The following PIK3R3 variants were observed in gnomAD, a reference collection of about 807,000 sequenced individuals.
The protein encoded by PIK3R3 is phosphoinositide-3-kinase regulatory subunit 3.
A neutral mutation model predicts 62.9 loss-of-function variants in PIK3R3; 64 were observed. The ratio of observed to expected loss-of-function variants is 1.02; its 90% CI spans 0.83 to 1.25. The LOEUF (loss-of-function observed/expected upper bound fraction) is 1.25, where lower values mean the gene tolerates loss of function less well. Ranked by LOEUF, PIK3R3 falls within the 50% of genes most tolerant of loss-of-function variation. PIK3R3 has a pLI of 0.00. For missense variants in PIK3R3, 614 were observed against 561.6 expected, an observed-to-expected ratio of 1.09 and a Z score of -0.94; for synonymous variants, 165 against 189.0, an observed-to-expected ratio of 0.87 and a Z score of 1.04.
Position 46,131,835 on chromosome 1 carries a change from T to A in PIK3R3, c.106+12A>T. ...CCCATCACGAGATTCTTTTTTTTTTTCTCCCAAGTACCTGGAGGATCCATT... is the reference window on the plus strand; with the variant it reads ...CCCATCACGAGATTCTTTTTTTTTTACTCCCAAGTACCTGGAGGATCCATT... On this transcript the variant is annotated intron_variant, in intron 1 of 9. Transcript: ENST00000262741. 1 of 1,608,450 alleles carries A rather than the reference T, an allele frequency of 6.2e-7. No homozygotes were observed. The highest frequency in any genetic ancestry group is 8.5e-7 in the Non-Finnish European group (1 of 1,175,422).
chr1:46,055,933 C>A lies in PIK3R3; in HGVS notation c.803G>T (p.Gly268Val). Residue 268 changes from glycine to valine, a missense_variant, in exon 7 of 10, where the codon GGT (glycine) becomes GTT (valine). Transcript: ENST00000262741. ...ACGCATTTTGCTATCATGAATCTCACCCAGACGTGATTTCAATTTATCATA... is the reference window on the plus strand; with the variant it reads ...ACGCATTTTGCTATCATGAATCTCAACCAGACGTGATTTCAATTTATCATA... ...MNYDKLKSRLGEIHDSKMRLE... is the reference protein window; with the variant it reads ...MNYDKLKSRLVEIHDSKMRLE... 13 of 1,600,826 alleles carry A rather than the reference C, an allele frequency of 8.1e-6. No individual in the cohort carries two copies. The highest frequency in any genetic ancestry group is 1.1e-5 in the Non-Finnish European group (13 of 1,174,468).
At chr1:46,062,441 G>A in intron 5 of PIK3R3, among the ~76,000 whole-genome samples, 1 of 152,180 alleles carries the variant, frequency 6.6e-6, no homozygotes, top group Non-Finnish European at 1.5e-5. Flanking sequence ...CAGGCGTGGT[G>A]GCGGGCGCCT....
chr1:46,082,095 A>T (rs1194179096), intron 1 of PIK3R3, among the ~76,000 whole-genome samples: 1 of 152,192 alleles, frequency 6.6e-6, no homozygotes, highest in African/African-American at 2.4e-5. Flanking sequence ...TAACTGCAAA[A>T]GGAAAAACAA....
At chr1:46,045,151 A>G (rs2149371509) in intron 9 of PIK3R3, among the ~76,000 whole-genome samples, 1 of 152,324 alleles carries the variant, frequency 6.6e-6, no homozygotes, top group African/African-American at 2.4e-5. Context: ...CAAAAACCCT[A>G]AAGTAGGTAT....
rs370501368 is a variant in PIK3R3, at chr1:46,045,644, T to TTTTTTTTTTTTTTTTTTTTTTTTTTTTC, written c.1187+273_1187+274insGAAAAAAAAAAAAAAAAAAAAAAAAAAA. Among the ~76,000 whole-genome samples the TTTTTTTTTTTTTTTTTTTTTTTTTTTTC allele has an allele frequency of 6.1e-5, 5 of 82,596 alleles. 1 individual carries two copies. Among genetic ancestry groups the TTTTTTTTTTTTTTTTTTTTTTTTTTTTC allele is most frequent in the African/African-American group, 9.4e-5 (2 of 21,220 alleles). 54.2% of individuals were successfully genotyped at this position (82,596 alleles called of 152,430 possible). ...TTTTTTTTTTTTTTTTTTTTTTTTTTCAATTTAAGATCTCACATTACCTTT... is the reference window on the plus strand; with the variant it reads ...TTTTTTTTTTTTTTTTTTTTTTTTTTTTTTTTTTTTTTTTTTTTTTTTTTTTTCCAATTTAAGATCTCACATTACCTTT... On this transcript the variant is annotated intron_variant, in intron 9 of 9. Transcript: ENST00000262741.
the PIK3R3 span, among the ~76,000 whole-genome samples, chr1:46,138,485 TC>T: frequency 2.6e-5 from 3 of 117,444 alleles, no homozygotes. Context: ...CATATGGAGA[TC>T]CCTGTCTCTA....
At chr1:46,131,190 G>C (rs1032824360) in intron 1 of PIK3R3, among the ~76,000 whole-genome samples, 13 of 152,054 alleles carry the variant, frequency 8.5e-5, no homozygotes, top group African/African-American at 3.1e-4. Context: ...TTAAATTAAA[G>C]AGTAATAAAA....
chr1:46,164,574 A>G, the PIK3R3 span, among the ~76,000 whole-genome samples: 6 of 152,142 alleles, frequency 3.9e-5, no homozygotes, highest in Non-Finnish European at 8.8e-5. Flanking sequence ...GATTGCAGTG[A>G]GCCGAGATTG....
intron 1 of PIK3R3, among the ~76,000 whole-genome samples, chr1:46,092,487 C>G (rs556027673): frequency 6.6e-6 from 1 of 152,282 alleles, no homozygotes; most frequent in African/African-American, 2.4e-5. Context: ...CCTCAGCCTC[C>G]CGAGTAGCTG....
the PIK3R3 span, among the ~76,000 whole-genome samples, chr1:46,166,207 TTTC>T: frequency 4.7e-5 from 7 of 150,316 alleles, no homozygotes; most frequent in Non-Finnish European, 1.0e-4. Flanking sequence ...TATAGGCTTT[TTTC>T]TTTTCTTTTC....
At chr1:46,168,790 G>A in the PIK3R3 span, among the ~76,000 whole-genome samples, 1 of 152,168 alleles carries the variant, frequency 6.6e-6, no homozygotes, top group Non-Finnish European at 1.5e-5. Flanking sequence ...AGCTGGGGAT[G>A]GTGGGGAGGG....
chr1:46,080,504 T>A (rs1650478048), intron 2 of PIK3R3, 138 bp downstream of exon 2: 1 of 666,474 alleles, frequency 1.5e-6, no homozygotes, highest in East Asian at 2.5e-5. Flanking sequence ...CATGTGATTC[T>A]TCAGCCTCAG....
At chr1:46,171,407 G>T in the PIK3R3 span, among the ~76,000 whole-genome samples, 2 of 152,232 alleles carry the variant, frequency 1.3e-5, no homozygotes, top group African/African-American at 2.4e-5. Flanking sequence ...GTAGGTGTGG[G>T]AAGAAGGGTT....
the PIK3R3 span, among the ~76,000 whole-genome samples, chr1:46,147,289 A>G: frequency 6.6e-6 from 1 of 151,838 alleles, no homozygotes; most frequent in Non-Finnish European, 1.5e-5. Context: ...TTTTTAGTAG[A>G]GACTGGGTTT....
At chr1:46,105,796 G>A (rs1653148268) in intron 1 of PIK3R3, among the ~76,000 whole-genome samples, 1 of 152,038 alleles carries the variant, frequency 6.6e-6, no homozygotes, top group Admixed American at 6.6e-5. Context: ...AGTGAGCCAA[G>A]ATTGCGCCAC....
At chr1:46,133,890 A>G (rs186775346), upstream of PIK3R3, among the ~76,000 whole-genome samples, 66 of 152,232 alleles carry the variant, frequency 4.3e-4, no homozygotes, top group Admixed American at 1.7e-3. Context: ...TCTCACCAAA[A>G]GGGCTCTATT....
At chr1:46,075,221 G>A (rs1356504409) in intron 3 of PIK3R3, among the ~76,000 whole-genome samples, 1 of 152,198 alleles carries the variant, frequency 6.6e-6, no homozygotes, top group Non-Finnish European at 1.5e-5. Flanking sequence ...AGTGCTCTCT[G>A]TACTATTAGA....
At chr1:46,066,858 G>A in intron 4 of PIK3R3, 53 bp downstream of exon 4, 3 of 1,308,650 alleles carry the variant, frequency 2.3e-6, no homozygotes, top group Non-Finnish European at 3.3e-6. Flanking sequence ...AATCAAATAA[G>A]GCTGTTAAAT....
chr1:46,066,038 A>G lies in PIK3R3; in HGVS notation c.621+16T>C, dbSNP rs375600650. ...CATTGCACACATATTAGTCAAAAACAACATAATATACCAACCTGGGATGTT... is the reference window on the plus strand; with the variant it reads ...CATTGCACACATATTAGTCAAAAACGACATAATATACCAACCTGGGATGTT... On this transcript the variant is annotated intron_variant, in intron 5 of 9. Coordinates refer to ENST00000262741, the MANE Select transcript of PIK3R3 (RefSeq NM_003629.4). 1.8e-5 allele frequency: 29 copies of G among 1,604,610 alleles called. No homozygotes were observed. The highest frequency in any genetic ancestry group is 2.3e-5 in the Non-Finnish European group (27 of 1,172,258).
Sources: gnomAD v4.1 joint callset for allele counts (sites outside exome capture counted in the v4.1 genomes callset) on GRCh38, gnomAD v4.1.1 for gene constraint, MANE v1.5 for transcripts, NCBI Gene and HGNC (gene_info 2026-07-23, HGNC 2026-07-21) for gene names.